Variants in ARIH1 observed in about 807,000 individuals in gnomAD.
The protein encoded by ARIH1 is E3 ubiquitin-protein ligase ARIH1.
Under a neutral mutation model 85.0 loss-of-function variants are expected in ARIH1, and 8 were observed. That is an observed-to-expected ratio of 0.09 (90% CI 0.06 to 0.17). The LOEUF is 0.17. Among genes scored for constraint, ARIH1 ranks in the 10% least tolerant of loss-of-function variants. The pLI, the probability that ARIH1 is intolerant of heterozygous loss-of-function variation, is 1.00. For synonymous variants in ARIH1, 238 were observed against 253.6 expected, an observed-to-expected ratio of 0.94 and a Z score of 0.59; for missense variants, 311 against 718.1, an observed-to-expected ratio of 0.43 and a Z score of 6.48.
At chr15:72,513,340 C>CT (rs1201203658) in intron 1 of ARIH1, among the ~76,000 whole-genome samples, 2 of 152,138 alleles carry the variant, frequency 1.3e-5, no homozygotes, top group African/African-American at 2.4e-5. Context: ...GGAGTATAAT[C>CT]TAACTCTTGA....
intron 1 of ARIH1, among the ~76,000 whole-genome samples, chr15:72,483,785 T>A (rs11631125): frequency 0.74 from 111,006 of 150,118 alleles, 46,956 homozygotes; most frequent in Non-Finnish European, 0.93. Flanking sequence ...GAATTTGAGA[T>A]TCTCCAGTTT....
chr15:72,536,410 G>A (rs1253187467), intron 2 of ARIH1, among the ~76,000 whole-genome samples: 1 of 151,596 alleles, frequency 6.6e-6, no homozygotes, highest in Non-Finnish European at 1.5e-5. Context: ...TTTTTCTTTT[G>A]AAATTTTATT....
At chr15:72,514,084 C>T (rs4776601) in intron 1 of ARIH1, among the ~76,000 whole-genome samples, 109,882 of 150,782 alleles carry the variant, frequency 0.73, 46,566 homozygotes, top group Non-Finnish European at 0.93. Flanking sequence ...AAGTGATCCT[C>T]CTGCCTTAGC....
intron 2 of ARIH1, among the ~76,000 whole-genome samples, chr15:72,527,219 T>C (rs755630208): frequency 3.3e-5 from 5 of 152,174 alleles, no homozygotes; most frequent in Non-Finnish European, 7.4e-5. Flanking sequence ...GTCAGGAAAA[T>C]GCCAAAATCA....
chr15:72,533,814 G>A (rs2064069002), intron 2 of ARIH1, among the ~76,000 whole-genome samples: 1 of 152,074 alleles, frequency 6.6e-6, no homozygotes, highest in Non-Finnish European at 1.5e-5. Context: ...GGCTGAGGTG[G>A]GAGGATTGCT....
chr15:72,574,347 A>C (rs2064260765), intron 11 of ARIH1, among the ~76,000 whole-genome samples: 1 of 152,160 alleles, frequency 6.6e-6, no homozygotes, highest in Non-Finnish European at 1.5e-5. Context: ...TGATTGACTA[A>C]TTGATTGGGA....
At chr15:72,557,223 T>TG (rs1278978622) in intron 5 of ARIH1, among the ~76,000 whole-genome samples, 20 of 152,182 alleles carry the variant, frequency 1.3e-4, no homozygotes, top group African/African-American at 4.6e-4. Flanking sequence ...TTAGTGGTGT[T>TG]GAGCATTTTT....
chr15:72,577,562 A>G (rs528195818), intron 11 of ARIH1, among the ~76,000 whole-genome samples: 1 of 152,178 alleles, frequency 6.6e-6, no homozygotes, highest in South Asian at 2.1e-4. Context: ...AATCCGAGCT[A>G]CTTGGGAAGA....
At chr15:72,491,893 T>A (rs1184731695) in intron 1 of ARIH1, among the ~76,000 whole-genome samples, 1 of 152,232 alleles carries the variant, frequency 6.6e-6, no homozygotes, top group Non-Finnish European at 1.5e-5. Flanking sequence ...TTGTTGTGTG[T>A]GCTGGGTATT....
Position 72,599,115 on chromosome 15 carries a change from C to G in ARIH1, c.*15823C>G, listed in dbSNP as rs964908083. 2.0e-5 allele frequency: 3 copies of G among 152,210 alleles called. No homozygotes were observed. Among genetic ancestry groups the G allele is most frequent in the African/African-American group, 7.2e-5 (3 of 41,430 alleles). 9.4% of individuals were successfully genotyped at this position (152,210 alleles called of 1,614,324 possible). On this transcript the variant is annotated 3_prime_UTR_variant, in exon 14 of 14. Transcript: ENST00000379887. ...TGGCACGATCTAGGCTCATTGCAAC[C>G]TCTGCCTCGTGATTCTCGTGACTCA...
Position 72,474,829 on chromosome 15 carries a change from G to C in ARIH1, c.190G>C (p.Gly64Arg), listed in dbSNP as rs1426082091. Reference sequence around the variant, plus strand: ...CGGGGAGCGGGACGGACTGCTGTGCGGGGAGACGGGCGGTGGCGGCGGCAG... The same window carrying C: ...CGGGGAGCGGGACGGACTGCTGTGCCGGGAGACGGGCGGTGGCGGCGGCAG... ...VGGERDGLLC[G>R]ETGGGGGSAL... The change falls in exon 1 of 14, where the codon GGG becomes CGG. Residue 64 changes from glycine to arginine, a missense_variant. Around this residue, in one of 3 missense-constraint regions of ARIH1, gnomAD observed 157 missense variants for 185.1 expected, o/e 0.85. Coordinates refer to ENST00000379887, the MANE Select transcript of ARIH1 (RefSeq NM_005744.5). The C allele has an allele frequency of 1.4e-6, 2 of 1,407,962 alleles. No homozygotes were observed. The highest frequency in any genetic ancestry group is 1.9e-5 in the South Asian group (1 of 52,700). 87.2% of individuals were successfully genotyped at this position (1,407,962 alleles called of 1,614,324 possible).
chr15:72,566,706 AT>A (rs11403578), intron 8 of ARIH1, 101 bp downstream of exon 8: 15 of 761,186 alleles, frequency 2.0e-5, no homozygotes, highest in Middle Eastern at 7.6e-4. Flanking sequence ...CTATTGATAG[AT>A]TTTTTTTTAT....
chr15:72,531,490 A>G (rs1025632260), intron 2 of ARIH1, among the ~76,000 whole-genome samples: 2 of 151,972 alleles, frequency 1.3e-5, no homozygotes, highest in Admixed American at 6.6e-5. Flanking sequence ...CTGGTCTCGA[A>G]CTCCTGACCT....
At chr15:72,537,896 A>G (rs2064089859) in intron 2 of ARIH1, among the ~76,000 whole-genome samples, 2 of 152,244 alleles carry the variant, frequency 1.3e-5, no homozygotes, top group African/African-American at 2.4e-5. Flanking sequence ...CGTTATGTGT[A>G]TATACATTTT....
chr15:72,500,283 C>T (rs1182308262), intron 1 of ARIH1, among the ~76,000 whole-genome samples: 2 of 152,016 alleles, frequency 1.3e-5, no homozygotes, highest in Non-Finnish European at 2.9e-5. Flanking sequence ...TTAATAGAGA[C>T]GGGGTTTCAC....
In ARIH1 at chr15:72,585,222, C is replaced by A. The variant is rs541508064; in HGVS notation, c.*1930C>A. On this transcript the variant is annotated 3_prime_UTR_variant, in exon 14 of 14. Coordinates refer to ENST00000379887, the MANE Select transcript of ARIH1 (RefSeq NM_005744.5). The stretch of plus-strand genomic sequence containing the variant: ...AATGCTGCTTCCTTAAACCACTTGT[C>A]GCTTTAGGATCAACTTTACCTGTAC... 6.6e-6 allele frequency: 1 copy of A among 152,242 alleles called. No individual in the cohort carries two copies. The highest frequency in any genetic ancestry group is 6.5e-5 in the Admixed American group (1 of 15,272). 9.4% of individuals were successfully genotyped at this position (152,242 alleles called of 1,614,324 possible).
chr15:72,540,970 G>T (rs1475496471), intron 2 of ARIH1, among the ~76,000 whole-genome samples: 1 of 152,204 alleles, frequency 6.6e-6, no homozygotes, highest in African/African-American at 2.4e-5. Context: ...ACACCAGGCT[G>T]TGGGGGCGAC....
At chr15:72,509,052 C>T (rs1279142070) in intron 1 of ARIH1, among the ~76,000 whole-genome samples, 1 of 148,570 alleles carries the variant, frequency 6.7e-6, no homozygotes, top group Non-Finnish European at 1.5e-5. Flanking sequence ...GTGCAGTGGC[C>T]TGATCTCAGC....
chr15:72,519,871 GAGAA>G (rs2063991922), intron 2 of ARIH1, among the ~76,000 whole-genome samples: 1 of 152,060 alleles, frequency 6.6e-6, no homozygotes, highest in African/African-American at 2.4e-5. Flanking sequence ...CCTCTACTAG[GAGAA>G]AGAGTTTTTA....
Sources: allele counts gnomAD v4.1 joint callset (sites outside exome capture counted in the v4.1 genomes callset), GRCh38; gene constraint gnomAD v4.1.1; regional missense constraint gnomAD v4.1.1; transcripts MANE v1.5; gene names NCBI Gene and HGNC (gene_info 2026-07-23, HGNC 2026-07-21).